CYYR1: variants seen among roughly 807,000 people sequenced by gnomAD.
CYYR1 encodes cysteine and tyrosine-rich protein 1.
In CYYR1, 14 loss-of-function variants were observed where a neutral mutation model predicts 15.2. The ratio of observed to expected loss-of-function variants is 0.92; its 90% CI spans 0.61 to 1.44. The LOEUF is 1.44. Ranked by LOEUF, CYYR1 falls within the 40% of genes most tolerant of loss-of-function variation. CYYR1 has a pLI of 0.00. For missense variants in CYYR1, 228 were observed against 209.5 expected, an observed-to-expected ratio of 1.09 and a Z score of -0.54; for synonymous variants, 80 against 77.4, an observed-to-expected ratio of 1.03 and a Z score of -0.18.
At position 26,466,825 on chromosome 21, in the gene CYYR1, CTT is replaced by C. The variant is rs2064973674; in HGVS notation, c.*1674_*1675del. 6.6e-6 allele frequency: 1 copy of C among 152,134 alleles called. No homozygotes were observed. Among genetic ancestry groups the C allele is most frequent in the Non-Finnish European group, 1.5e-5 (1 of 68,010 alleles). 9.4% of individuals were successfully genotyped at this position (152,134 alleles called of 1,614,324 possible). A position where few individuals can be genotyped will look rare whatever the true frequency, so the allele number is the denominator to read the frequency against. On this transcript the variant is annotated 3_prime_UTR_variant, in exon 4 of 4. Coordinates refer to ENST00000652641, the MANE Select transcript of CYYR1 (RefSeq NM_001320768.2). ...CCCCTCACCAGAACAGGCTGAAACTCTTGAATGCTTTGCATCCTCATATATAA... is the reference window on the plus strand; with the variant it reads ...CCCCTCACCAGAACAGGCTGAAACTCGAATGCTTTGCATCCTCATATATAA...
At chr21:26,538,876 G>A (rs1978355244) in intron 2 of CYYR1, among the ~76,000 whole-genome samples, 1 of 152,056 alleles carries the variant, frequency 6.6e-6, no homozygotes, top group Non-Finnish European at 1.5e-5. Context: ...TCACAATCTG[G>A]TTCTCAAACT....
At chr21:26,541,875 A>C (rs1033313861) in intron 2 of CYYR1, among the ~76,000 whole-genome samples, 4 of 152,204 alleles carry the variant, frequency 2.6e-5, no homozygotes, top group African/African-American at 7.2e-5. Flanking sequence ...CACTGAAATA[A>C]TAAAATAAAG....
At chr21:26,478,403 A>C (rs974323606) in intron 3 of CYYR1, among the ~76,000 whole-genome samples, 1 of 152,102 alleles carries the variant, frequency 6.6e-6, no homozygotes, top group African/African-American at 2.4e-5. Flanking sequence ...TGGCCTTGTG[A>C]GTTCATGGAA....
chr21:26,471,436 G>C (rs2065031798), intron 3 of CYYR1: 1 of 152,200 alleles, frequency 6.6e-6, no homozygotes, highest in African/African-American at 2.4e-5. Flanking sequence ...ATTTCAGCAA[G>C]AATCCCTATG....
At chr21:26,554,850 C>A (rs1253495758) in intron 2 of CYYR1, among the ~76,000 whole-genome samples, 7 of 152,142 alleles carry the variant, frequency 4.6e-5, no homozygotes, top group Non-Finnish European at 8.8e-5. Flanking sequence ...CTTCCCACCT[C>A]AACCTTCCAA....
At chr21:26,554,596 CGA>C (rs907332854) in intron 2 of CYYR1, among the ~76,000 whole-genome samples, 4 of 151,968 alleles carry the variant, frequency 2.6e-5, no homozygotes, top group African/African-American at 7.3e-5. Context: ...CACTCAAGGC[CGA>C]GAGTGCTCTC....
At chr21:26,498,117 A>C (rs1447428718) in intron 2 of CYYR1, among the ~76,000 whole-genome samples, 1 of 152,216 alleles carries the variant, frequency 6.6e-6, no homozygotes, top group Non-Finnish European at 1.5e-5. Context: ...CAGATGAAGT[A>C]CCTAGTCAGT....
intron 2 of CYYR1, among the ~76,000 whole-genome samples, chr21:26,517,239 A>C (rs1308270868): frequency 6.6e-6 from 1 of 151,978 alleles, no homozygotes; most frequent in Non-Finnish European, 1.5e-5. Flanking sequence ...TGTGAAAGAA[A>C]TAGGGCAGCT....
intron 2 of CYYR1, among the ~76,000 whole-genome samples, chr21:26,498,843 A>G (rs1157265918): frequency 6.6e-6 from 1 of 151,926 alleles, no homozygotes; most frequent in African/African-American, 2.4e-5. Context: ...CCCTTATAGA[A>G]CCCTCAGATC....
chr21:26,479,200 T>C, intron 3 of CYYR1, among the ~76,000 whole-genome samples: 1 of 151,422 alleles, frequency 6.6e-6, no homozygotes, highest in South Asian at 2.1e-4. Context: ...GGTACTCCAG[T>C]ATGAAAATAT....
chr21:26,467,457 G>A lies in CYYR1; in HGVS notation c.*1044C>T, dbSNP rs1335839454. The stretch of plus-strand genomic sequence containing the variant: ...ATAGTTTTAAGGAAATCTACAGAAG[G>A]GAATCTGAACTTCATTTCCCACTTT... On this transcript the variant is annotated 3_prime_UTR_variant, in exon 4 of 4. Coordinates refer to ENST00000652641, the MANE Select transcript of CYYR1 (RefSeq NM_001320768.2). 1 of 152,022 alleles carries A rather than the reference G, an allele frequency of 6.6e-6. No individual in the cohort carries two copies. Among genetic ancestry groups the A allele is most frequent in the Non-Finnish European group, 1.5e-5 (1 of 67,988 alleles). The allele number at this position is 152,022 out of a possible 1,614,324, so 9.4% of individuals were successfully genotyped here. A position where few individuals can be genotyped will look rare whatever the true frequency, so the allele number is the denominator to read the frequency against.
intron 3 of CYYR1, among the ~76,000 whole-genome samples, chr21:26,476,594 A>G (rs1445402988): frequency 6.9e-6 from 1 of 144,210 alleles, no homozygotes; most frequent in Non-Finnish European, 1.6e-5. Context: ...TCATCTATCT[A>G]TCTATCTATC....
At chr21:26,498,883 C>T (rs546492975) in intron 2 of CYYR1, among the ~76,000 whole-genome samples, 2 of 152,084 alleles carry the variant, frequency 1.3e-5, no homozygotes, top group Non-Finnish European at 2.9e-5. Context: ...ACCACGAGAA[C>T]GGCATGCGAG....
chr21:26,518,024 C>G (rs568421179), intron 2 of CYYR1, among the ~76,000 whole-genome samples: 85 of 152,318 alleles, frequency 5.6e-4, no homozygotes, highest in African/African-American at 2.0e-3. Context: ...ACCTTTGTTT[C>G]TCAGCACTCA....
intron 2 of CYYR1, among the ~76,000 whole-genome samples, chr21:26,493,498 C>T (rs1204647608): frequency 6.6e-6 from 1 of 152,072 alleles, no homozygotes; most frequent in Admixed American, 6.6e-5. Flanking sequence ...TTAAAGTTAC[C>T]AAGTTCAAAC....
chr21:26,565,231 T>C (rs1336749880), intron 2 of CYYR1, among the ~76,000 whole-genome samples: 1 of 152,202 alleles, frequency 6.6e-6, no homozygotes, highest in East Asian at 1.9e-4. Flanking sequence ...AGAAAGTTTA[T>C]GTGGTGCCAG....
chr21:26,561,251 A>T (rs991088065), intron 2 of CYYR1, among the ~76,000 whole-genome samples: 1 of 151,794 alleles, frequency 6.6e-6, no homozygotes, highest in Non-Finnish European at 1.5e-5. Flanking sequence ...TTCAGTATGT[A>T]CCTCCTAGAG....
At chr21:26,476,271 CTG>C (rs1450817507) in intron 3 of CYYR1, among the ~76,000 whole-genome samples, 1 of 152,124 alleles carries the variant, frequency 6.6e-6, no homozygotes, top group African/African-American at 2.4e-5. Flanking sequence ...ATACATGAAA[CTG>C]TGTTGTCCTC....
At chr21:26,527,533 T>C (rs2065882781) in intron 2 of CYYR1, among the ~76,000 whole-genome samples, 1 of 152,230 alleles carries the variant, frequency 6.6e-6, no homozygotes, top group Admixed American at 6.5e-5. Context: ...TTTCATTATA[T>C]GGACAATTAT....
Sources: allele counts gnomAD v4.1 joint callset (sites outside exome capture counted in the v4.1 genomes callset), GRCh38; gene constraint gnomAD v4.1.1; transcripts MANE v1.5; gene names NCBI Gene and HGNC (gene_info 2026-07-23, HGNC 2026-07-21).